The following NCKAP1 variants were observed in gnomAD, a reference collection of about 807,000 sequenced individuals.
NCKAP1 encodes nck-associated protein 1.
NCKAP1 carries 21 observed loss-of-function variants against 151.2 expected under a neutral mutation model. The ratio of observed to expected loss-of-function variants is 0.14; its 90% CI spans 0.10 to 0.20. The LOEUF (loss-of-function observed/expected upper bound fraction) is 0.20. Ranked by LOEUF, NCKAP1 falls within the 10% of genes least tolerant of loss-of-function variation. NCKAP1 has a pLI of 1.00. For synonymous variants in NCKAP1, 484 were observed against 451.8 expected, an observed-to-expected ratio of 1.07 and a Z score of -0.90; for missense variants, 933 against 1,352.1, an observed-to-expected ratio of 0.69 and a Z score of 4.86.
In NCKAP1 at chr2:182,925,666, C is replaced by T; in HGVS notation, c.*36G>A. On this transcript the variant is annotated 3_prime_UTR_variant, in exon 31 of 31. Transcript: ENST00000361354. ...CAGTCTACAGGTAAAACCAAGGCAACAAAAATGCGTGCTTATCTTGATTAA... is the reference window on the plus strand; with the variant it reads ...CAGTCTACAGGTAAAACCAAGGCAATAAAAATGCGTGCTTATCTTGATTAA... 7.5e-7 allele frequency: 1 copy of T among 1,342,076 alleles called. No homozygotes were observed. The highest frequency in any genetic ancestry group is 1.4e-5 in the South Asian group (1 of 70,684). The allele number at this position is 1,342,076 out of a possible 1,614,324, so 83.1% of individuals were successfully genotyped here. A position where few individuals can be genotyped will look rare whatever the true frequency, so the allele number is the denominator to read the frequency against.
At chr2:182,926,760 T>C in intron 30 of NCKAP1, 56 bp downstream of exon 30, 2 of 1,208,078 alleles carry the variant, frequency 1.7e-6, no homozygotes, top group Non-Finnish European at 1.2e-6. Context: ...CAAGAAAAGA[T>C]TCTCAGGAAC....
At chr2:183,018,372 C>G (rs1323297318) in intron 2 of NCKAP1, among the ~76,000 whole-genome samples, 2 of 152,210 alleles carry the variant, frequency 1.3e-5, no homozygotes, top group Non-Finnish European at 2.9e-5. Context: ...AGTCCATCCT[C>G]TTAACCAGTA....
chr2:182,929,656 G>A (rs1013170893), intron 27 of NCKAP1, among the ~76,000 whole-genome samples: 3 of 150,950 alleles, frequency 2.0e-5, no homozygotes, highest in South Asian at 2.1e-4. Context: ...AGATTTGGTC[G>A]ACTACAAAAA....
intron 18 of NCKAP1, among the ~76,000 whole-genome samples, chr2:182,959,339 C>T (rs1023717682): frequency 2.0e-5 from 3 of 152,064 alleles, no homozygotes; most frequent in African/African-American, 7.3e-5. Flanking sequence ...AAGGCTGGTA[C>T]ATCTTGTCAC....
rs1696823273 is a variant in NCKAP1, at chr2:182,934,148, T to A, written c.2859+604A>T. ...ATTATTTCATTGCTTCATCTTTCTTTTTTTTTTGAGACGGAGTCTCATTCT... is the reference window on the plus strand; with the variant it reads ...ATTATTTCATTGCTTCATCTTTCTTATTTTTTTGAGACGGAGTCTCATTCT... On this transcript the variant is annotated intron_variant, in intron 26 of 30. Coordinates refer to ENST00000361354, the MANE Select transcript of NCKAP1 (RefSeq NM_013436.5). 3.9e-5 allele frequency among the ~76,000 whole-genome samples: 6 copies of A among 152,200 alleles called. No individual in the cohort carries two copies. In the South Asian group the frequency reaches 1.2e-3, roughly 32 times the overall value.
chr2:182,937,299 T>C (rs111317704), intron 24 of NCKAP1, among the ~76,000 whole-genome samples: 250 of 152,230 alleles, frequency 1.6e-3, no homozygotes, highest in African/African-American at 5.7e-3. Context: ...AGTTCTAAGA[T>C]ACTTCACAGT....
intron 6 of NCKAP1, among the ~76,000 whole-genome samples, chr2:182,998,205 C>A (rs1382454748): frequency 6.6e-6 from 1 of 152,078 alleles, no homozygotes; most frequent in Non-Finnish European, 1.5e-5. Context: ...CTATGACAAA[C>A]CCATAGCCAA....
chr2:182,961,546 A>C (rs1488238169), intron 18 of NCKAP1, among the ~76,000 whole-genome samples: 3 of 152,132 alleles, frequency 2.0e-5, no homozygotes, highest in Non-Finnish European at 2.9e-5. Flanking sequence ...ACATGGACAC[A>C]GGAAGGGGAA....
At chr2:182,971,380 C>T (rs1470695030) in intron 15 of NCKAP1, among the ~76,000 whole-genome samples, 4 of 117,194 alleles carry the variant, frequency 3.4e-5, no homozygotes, top group South Asian at 2.7e-4. Context: ...GGCGACAGAG[C>T]GAGACTCCGT....
chr2:182,940,033 T>G, intron 24 of NCKAP1, among the ~76,000 whole-genome samples: 1 of 152,180 alleles, frequency 6.6e-6, no homozygotes, highest in East Asian at 1.9e-4. Context: ...TTTTGAAAAC[T>G]TGCAAATTCT....
In NCKAP1 at chr2:182,947,574, C is replaced by T. The variant is rs906828808; in HGVS notation, c.2601+4831G>A. Among the ~76,000 whole-genome samples the T allele has an allele frequency of 2.0e-5, 3 of 152,214 alleles. No individual in the cohort carries two copies. The South Asian group carries it at 6.2e-4, about 32-fold the overall frequency. On this transcript the variant is annotated intron_variant, in intron 23 of 30. Transcript: ENST00000361354. ...GAAATACTTCACTATCTTTTTAGTT[C>T]TTCTTTAAAGAAGATTATTTTATAG...
chr2:182,967,590 G>A (rs542604891), intron 15 of NCKAP1, among the ~76,000 whole-genome samples: 1 of 152,234 alleles, frequency 6.6e-6, no homozygotes, highest in Non-Finnish European at 1.5e-5. Flanking sequence ...TCTAATATAT[G>A]AGTCATTCAC....
At position 183,003,260 on chromosome 2, in the gene NCKAP1, GAAGT is replaced by G; in HGVS notation, c.281_284del (p.Tyr94SerfsTer4). ...TAAATTCCATAACATCTACAAATGT[GAAGT>G]AATATAATGCCAGATTTTTCAGAAT... On this transcript the variant is annotated frameshift_variant, in exon 3 of 31. Transcript: ENST00000361354. LOFTEE classifies it high-confidence loss of function. 6.3e-7 allele frequency: 1 copy of G among 1,581,306 alleles called. No homozygotes were observed. The highest frequency in any genetic ancestry group is 8.6e-7 in the Non-Finnish European group (1 of 1,158,490).
chr2:183,035,189 TTA>T (rs1699078888), intron 1 of NCKAP1, among the ~76,000 whole-genome samples: 2 of 152,116 alleles, frequency 1.3e-5, no homozygotes, highest in South Asian at 4.1e-4. Flanking sequence ...AAATCCGCTT[TTA>T]TGTGTTCCTA....
At chr2:183,023,115 G>T (rs542853440) in intron 2 of NCKAP1, 2 of 152,048 alleles carry the variant, frequency 1.3e-5, no homozygotes, top group Non-Finnish European at 2.9e-5. Context: ...AAAAAGAGAA[G>T]ACAGGCAGAA....
rs78905139 is a variant in NCKAP1, at chr2:182,948,940, A to G, written c.2601+3465T>C. 2.1e-4 allele frequency among the ~76,000 whole-genome samples: 32 copies of G among 152,098 alleles called. 1 individual carries two copies. Among genetic ancestry groups the G allele is most frequent in the African/African-American group, 7.2e-4 (30 of 41,510 alleles). On this transcript the variant is annotated intron_variant, in intron 23 of 30. Transcript: ENST00000361354. ...GGCACTATTCTCTAAGAGTGACAAC[A>G]AAAAAAACAGAGTTTGTACAGAGGA... is the stretch of plus-strand genomic sequence containing the variant.
intron 1 of NCKAP1, among the ~76,000 whole-genome samples, chr2:183,036,308 A>T (rs1399468539): frequency 6.6e-6 from 1 of 152,174 alleles, no homozygotes; most frequent in Non-Finnish European, 1.5e-5. Flanking sequence ...ATCACTTTTG[A>T]TGTTACTCTC....
chr2:182,947,377 A>T (rs1381217845), intron 23 of NCKAP1, among the ~76,000 whole-genome samples: 1 of 152,174 alleles, frequency 6.6e-6, no homozygotes, highest in Non-Finnish European at 1.5e-5. Context: ...TACTTTGAGA[A>T]GGCTTTACTC....
chr2:182,934,975 A>G, intron 25 of NCKAP1, 143 bp from the exon 26 acceptor site: 1 of 573,662 alleles, frequency 1.7e-6, no homozygotes, highest in Non-Finnish European at 3.1e-6. Context: ...AAAAATTTCA[A>G]GACATATGAA....
Sources: allele counts gnomAD v4.1 joint callset (sites outside exome capture counted in the v4.1 genomes callset), GRCh38; gene constraint gnomAD v4.1.1; transcripts MANE v1.5; gene names NCBI Gene and HGNC (gene_info 2026-07-23, HGNC 2026-07-21).